Variants in EPB41L2 observed in about 807,000 individuals in gnomAD.
EPB41L2 encodes band 4.1-like protein 2.
A neutral mutation model predicts 113.0 loss-of-function variants in EPB41L2; 43 were observed. The observed-to-expected ratio is 0.38, with a 90% CI of 0.30 to 0.49. The LOEUF (loss-of-function observed/expected upper bound fraction) is 0.49, where lower values mean the gene tolerates loss of function less well. Among genes scored for constraint, EPB41L2 ranks in the 20% least tolerant of loss-of-function variants. The pLI is 0.95. For missense variants in EPB41L2, 1,147 were observed against 1,223.4 expected, an observed-to-expected ratio of 0.94 and a Z score of 0.93; for synonymous variants, 442 against 436.7, an observed-to-expected ratio of 1.01 and a Z score of -0.15.
chr6:131,018,849 C>T (rs1788833441), intron 1 of EPB41L2, among the ~76,000 whole-genome samples: 1 of 152,092 alleles, frequency 6.6e-6, no homozygotes, highest in African/African-American at 2.4e-5. Flanking sequence ...TCGTTATATT[C>T]GTTTATATTA....
In EPB41L2 at chr6:131,006,585, G is replaced by A. The variant is rs150886521; in HGVS notation, c.-14-50086C>T. Among the ~76,000 whole-genome samples the A allele has an allele frequency of 7.7e-3, 1,154 of 150,692 alleles. 10 individuals are homozygous for A. The highest frequency in any genetic ancestry group is 0.024 in the African/African-American group (1,001 of 41,048). On this transcript the variant is annotated intron_variant, in intron 1 of 19. Transcript: ENST00000337057. ...CTCAGGAGGCTAAGGCAGGAGAATC[G>A]CTTGAACCCAGGAGGCAGAGGTTGC...
intron 1 of EPB41L2, among the ~76,000 whole-genome samples, chr6:130,982,512 A>G (rs1779607500): frequency 6.6e-6 from 1 of 152,196 alleles, no homozygotes; most frequent in Non-Finnish European, 1.5e-5. Flanking sequence ...ATAAAAAAAT[A>G]GGGGGAAATA....
intron 1 of EPB41L2, among the ~76,000 whole-genome samples, chr6:130,990,067 T>A (rs528510618): frequency 6.6e-6 from 1 of 152,324 alleles, no homozygotes; most frequent in South Asian, 2.1e-4. Context: ...ACACCTGTAA[T>A]CCCTGCACTT....
At chr6:130,977,924 G>A (rs1291353007) in intron 1 of EPB41L2, among the ~76,000 whole-genome samples, 2 of 152,128 alleles carry the variant, frequency 1.3e-5, no homozygotes, top group Non-Finnish European at 2.9e-5. Flanking sequence ...GTTCATCTAC[G>A]CCTTTTCCCC....
At chr6:130,983,374 T>G (rs913452108) in intron 1 of EPB41L2, among the ~76,000 whole-genome samples, 2 of 152,164 alleles carry the variant, frequency 1.3e-5, no homozygotes, top group Non-Finnish European at 2.9e-5. Flanking sequence ...TGATTGGTGA[T>G]TTCATCCTTG....
At chr6:130,995,057 C>A (rs2128702378) in intron 1 of EPB41L2, among the ~76,000 whole-genome samples, 1 of 152,326 alleles carries the variant, frequency 6.6e-6, no homozygotes, top group Non-Finnish European at 1.5e-5. Flanking sequence ...AACAGGCCGG[C>A]CAGGCGTGGT....
At chr6:130,855,442 G>A (rs1779931419) in intron 19 of EPB41L2, among the ~76,000 whole-genome samples, 1 of 152,028 alleles carries the variant, frequency 6.6e-6, no homozygotes, top group Non-Finnish European at 1.5e-5. Context: ...ATTTACTCAG[G>A]CCACTGGATG....
intron 1 of EPB41L2, among the ~76,000 whole-genome samples, chr6:131,002,882 T>C (rs897488938): frequency 2.0e-5 from 3 of 152,212 alleles, no homozygotes; most frequent in Admixed American, 1.3e-4. Flanking sequence ...TCGGGGTCAA[T>C]GATCTTTTAA....
chr6:130,872,705 G>A (rs1786159217), intron 14 of EPB41L2, among the ~76,000 whole-genome samples: 2 of 152,178 alleles, frequency 1.3e-5, no homozygotes, highest in South Asian at 2.1e-4. Flanking sequence ...TTATGAAGAG[G>A]TTTGTGAGCG....
At chr6:130,991,815 T>C (rs1244955971) in intron 1 of EPB41L2, among the ~76,000 whole-genome samples, 2 of 152,238 alleles carry the variant, frequency 1.3e-5, no homozygotes, top group East Asian at 3.8e-4. Flanking sequence ...GAAGGAGATT[T>C]GGTCTTTGTA....
At chr6:130,955,341 T>C (rs1025561639) in intron 2 of EPB41L2, 24 bp from the exon 3 acceptor site, 2 of 1,606,796 alleles carry the variant, frequency 1.2e-6, no homozygotes, top group African/African-American at 1.3e-5. Flanking sequence ...AAAAATAAAT[T>C]CATACTATAG....
intron 1 of EPB41L2, among the ~76,000 whole-genome samples, chr6:131,008,423 G>A (rs1480752237): frequency 6.6e-6 from 1 of 152,260 alleles, no homozygotes; most frequent in Non-Finnish European, 1.5e-5. Context: ...GAAGTTTGCT[G>A]CAGAAGTCGA....
At chr6:130,921,147 A>G (rs1301642836) in intron 4 of EPB41L2, among the ~76,000 whole-genome samples, 1 of 152,034 alleles carries the variant, frequency 6.6e-6, no homozygotes, top group Non-Finnish European at 1.5e-5. Context: ...CCTGGTTTTC[A>G]TCACCTCTAG....
intron 4 of EPB41L2, among the ~76,000 whole-genome samples, 190 bp downstream of exon 4, chr6:130,926,415 C>T (rs997063937): frequency 1.3e-5 from 2 of 152,174 alleles, no homozygotes; most frequent in African/African-American, 4.8e-5. Flanking sequence ...CACACAAATA[C>T]ACATACACCA....
chr6:130,878,372 G>T, intron 13 of EPB41L2, 122 bp from the exon 14 acceptor site: 3 of 1,174,210 alleles, frequency 2.6e-6, no homozygotes, highest in Non-Finnish European at 3.5e-6. Flanking sequence ...CCATAGTAAA[G>T]CAAGAAAAAT....
chr6:131,054,612 C>G (rs532263324), intron 1 of EPB41L2, among the ~76,000 whole-genome samples: 1 of 152,226 alleles, frequency 6.6e-6, no homozygotes, highest in Non-Finnish European at 1.5e-5. Flanking sequence ...CCTGTTCGGG[C>G]GCCACTTGTG....
intron 4 of EPB41L2, among the ~76,000 whole-genome samples, chr6:130,922,800 A>C (rs1172394337): frequency 6.6e-6 from 1 of 152,198 alleles, no homozygotes; most frequent in Non-Finnish European, 1.5e-5. Context: ...GTTACAAAGA[A>C]GTACTCCTGG....
chr6:130,927,318 A>C (rs1194769303), intron 3 of EPB41L2, among the ~76,000 whole-genome samples: 1 of 152,196 alleles, frequency 6.6e-6, no homozygotes, highest in Non-Finnish European at 1.5e-5. Flanking sequence ...TAAGGACTTA[A>C]CATATTTTTA....
At chr6:130,956,926 G>A (rs1016658084) in intron 1 of EPB41L2, among the ~76,000 whole-genome samples, 36 of 152,128 alleles carry the variant, frequency 2.4e-4, no homozygotes, top group Non-Finnish European at 2.9e-5. Flanking sequence ...GTGCTAGAAA[G>A]CAATGAGACA....
Sources: allele counts gnomAD v4.1 joint callset (sites outside exome capture counted in the v4.1 genomes callset), GRCh38; gene constraint gnomAD v4.1.1; transcripts MANE v1.5; gene names NCBI Gene and HGNC (gene_info 2026-07-23, HGNC 2026-07-21).